The following MARCHF8 variants were observed in gnomAD, a reference collection of about 807,000 sequenced individuals.
MARCHF8 encodes membrane associated ring-CH-type finger 8.
MARCHF8 carries 40 observed loss-of-function variants against 51.6 expected under a neutral mutation model. The ratio of observed to expected loss-of-function variants is 0.77; its 90% confidence interval spans 0.60 to 1.01. The LOEUF is 1.01. Ranked by LOEUF, MARCHF8 falls within the 50% of genes least tolerant of loss-of-function variation. The pLI, the probability that MARCHF8 is intolerant of heterozygous loss-of-function variation, is 0.00. For missense variants in MARCHF8, 685 were observed against 708.6 expected (o/e 0.97, Z 0.38); for synonymous variants, 263 against 280.3 (o/e 0.94, Z 0.62).
chr10:45,526,283 C>A (rs952222590), intron 2 of MARCHF8, among the ~76,000 whole-genome samples: 5 of 152,174 alleles, frequency 3.3e-5, no homozygotes, highest in African/African-American at 1.2e-4. Context: ...AAGCAAGGCA[C>A]GTGCTCAGCC....
intron 1 of MARCHF8, among the ~76,000 whole-genome samples, chr10:45,556,057 TCAC>T (rs1564515152): frequency 6.6e-6 from 1 of 152,156 alleles, no homozygotes; most frequent in African/African-American, 2.4e-5. Context: ...GAATAAGTGG[TCAC>T]TACTGTTTCA....
At chr10:45,480,714 G>C (rs1564475183) in intron 3 of MARCHF8, among the ~76,000 whole-genome samples, 1 of 152,220 alleles carries the variant, frequency 6.6e-6, no homozygotes, top group Non-Finnish European at 1.5e-5. Context: ...CTAGATTTCA[G>C]AGAATGTATA....
intron 3 of MARCHF8, 130 bp from the exon 4 acceptor site, chr10:45,464,457 A>T (rs1842903605): frequency 1.4e-6 from 1 of 728,708 alleles, no homozygotes; most frequent in South Asian, 1.6e-5. Flanking sequence ...AGTAACACAT[A>T]TTAGATCCTT....
At chr10:45,528,263 G>A (rs529490662) in intron 2 of MARCHF8, among the ~76,000 whole-genome samples, 49 of 152,232 alleles carry the variant, frequency 3.2e-4, no homozygotes, top group Non-Finnish European at 1.5e-4. Flanking sequence ...GAGCAGTAAT[G>A]CAATAGAAAG....
At chr10:45,469,529 GTC>G (rs952078254) in intron 3 of MARCHF8, among the ~76,000 whole-genome samples, 13 of 152,104 alleles carry the variant, frequency 8.5e-5, no homozygotes, top group African/African-American at 3.1e-4. Context: ...AGGTAATTTT[GTC>G]TCTCAGATGT....
intron 1 of MARCHF8, among the ~76,000 whole-genome samples, chr10:45,574,634 C>T (rs59620443): frequency 0.06 from 9,169 of 152,186 alleles, 704 homozygotes; most frequent in East Asian, 0.45. Context: ...GCTGGGACCG[C>T]GCCCTGTAGC....
rs1263441816 is a variant in MARCHF8 at position 45,535,197 on chromosome 10, CAA to C, written c.-79+12_-79+13del. The C allele has an allele frequency of 6.6e-6, 1 of 152,220 alleles. No individual in the cohort carries two copies. Among genetic ancestry groups the C allele is most frequent in the Non-Finnish European group, 1.5e-5 (1 of 68,044 alleles). The allele number at this position is 152,220 out of a possible 1,614,324, so 9.4% of individuals were successfully genotyped here. A position where few individuals can be genotyped will look rare whatever the true frequency, so the allele number is the denominator to read the frequency against. The stretch of plus-strand genomic sequence containing the variant: ...TTGTATTCAAGCACGTCACACAAAA[CAA>C]GAGGCACTTACTGCGGAGCTGCCTT... On this transcript the variant is annotated intron_variant, in intron 1 of 7. Transcript: ENST00000453424.
intron 6 of MARCHF8, chr10:45,459,741 C>T: frequency 1.0e-6 from 1 of 985,454 alleles, no homozygotes; most frequent in South Asian, 4.7e-5. Context: ...GACGCTCACT[C>T]TTTGGTCCTT....
At chr10:45,590,915 AAAG>A (rs1300948144) in intron 1 of MARCHF8, among the ~76,000 whole-genome samples, 2 of 152,176 alleles carry the variant, frequency 1.3e-5, no homozygotes, top group East Asian at 1.9e-4. Flanking sequence ...AAGATCCACA[AAAG>A]AAGTGAAAAT....
intron 1 of MARCHF8, among the ~76,000 whole-genome samples, chr10:45,584,126 CATATAT>C (rs55978063): frequency 0.12 from 10,204 of 85,060 alleles, 522 homozygotes; most frequent in Admixed American, 0.18. Flanking sequence ...TATATACAAT[CATATAT>C]ATATATATAT....
At chr10:45,543,058 G>T (rs865795076) in intron 1 of MARCHF8, among the ~76,000 whole-genome samples, 2 of 152,158 alleles carry the variant, frequency 1.3e-5, no homozygotes, top group Non-Finnish European at 2.9e-5. Flanking sequence ...TCTGGCTTCA[G>T]TACAGTAAGG....
At chr10:45,560,853 AAC>A (rs1158108711) in intron 1 of MARCHF8, among the ~76,000 whole-genome samples, 7 of 152,236 alleles carry the variant, frequency 4.6e-5, no homozygotes, top group African/African-American at 1.7e-4. Flanking sequence ...TCTGAAAATA[AAC>A]ACTTTATTCT....
intron 2 of MARCHF8, among the ~76,000 whole-genome samples, chr10:45,498,538 T>C (rs1369781630): frequency 6.6e-6 from 1 of 151,974 alleles, no homozygotes; most frequent in Non-Finnish European, 1.5e-5. Context: ...TGCAGTGGCA[T>C]GATCTCGGCT....
At chr10:45,551,331 G>A (rs1413659342) in intron 1 of MARCHF8, among the ~76,000 whole-genome samples, 1 of 152,142 alleles carries the variant, frequency 6.6e-6, no homozygotes, top group African/African-American at 2.4e-5. Context: ...TTGGGAGTGG[G>A]AAGATACACA....
Position 45,461,242 on chromosome 10 carries a change from G to C in MARCHF8, c.1258C>G (p.Pro420Ala). 6.6e-7 allele frequency: 1 copy of C among 1,526,600 alleles called. No homozygotes were observed. Among genetic ancestry groups the C allele is most frequent in the Admixed American group, 2.1e-5 (1 of 47,084 alleles). The allele number at this position is 1,526,600 out of a possible 1,614,324, so 94.6% of individuals were successfully genotyped here. Residue 420 changes from proline to alanine, a missense_variant, in exon 6 of 8, where the codon CCA (proline) becomes GCA (alanine). By Grantham distance (27) the Pro-to-Ala change is conservative. Transcript: ENST00000453424. ...YEFIMETKLKPLRKWEKLQMT... is the reference protein window; with the variant it reads ...YEFIMETKLKALRKWEKLQMT... Reference sequence around the variant, plus strand: ...TTCCTCCCACGTACTTTTCTCAGTGGCTTCAGCTTGGTCTCCATGATGAAC... The same window carrying C: ...TTCCTCCCACGTACTTTTCTCAGTGCCTTCAGCTTGGTCTCCATGATGAAC...
chr10:45,468,951 C>T (rs1158487580), intron 3 of MARCHF8, among the ~76,000 whole-genome samples: 1 of 152,048 alleles, frequency 6.6e-6, no homozygotes, highest in Non-Finnish European at 1.5e-5. Context: ...TACTTTGTCT[C>T]AGCAATTCTT....
intron 1 of MARCHF8, among the ~76,000 whole-genome samples, chr10:45,585,448 TC>T (rs1301226812): frequency 1.3e-5 from 2 of 152,054 alleles, no homozygotes; most frequent in African/African-American, 4.8e-5. Flanking sequence ...GTCTCAAATC[TC>T]ATACGGAATA....
In MARCHF8 at chr10:45,496,766, T is replaced by C. The variant is rs556657858; in HGVS notation, c.103-7349A>G. ...AATATGAATCTGAAGAAGATTCTGTTAGAAAAATATATATATATATAGTAA... is the reference window on the plus strand; with the variant it reads ...AATATGAATCTGAAGAAGATTCTGTCAGAAAAATATATATATATATAGTAA... On this transcript the variant is annotated intron_variant, in intron 2 of 7. Transcript: ENST00000453424. Among the ~76,000 whole-genome samples, 9 of 151,950 alleles carry C rather than the reference T, an allele frequency of 5.9e-5. No homozygotes were observed. In the South Asian group the frequency reaches 1.7e-3, roughly 28 times the overall value.
intron 3 of MARCHF8, among the ~76,000 whole-genome samples, chr10:45,475,164 T>C (rs1005884002): frequency 5.9e-5 from 9 of 152,164 alleles, no homozygotes; most frequent in Non-Finnish European, 1.3e-4. Context: ...TGCAAACCAT[T>C]TGGCAAAGAC....
Sources: allele counts gnomAD v4.1 joint callset (sites outside exome capture counted in the v4.1 genomes callset), GRCh38; gene constraint gnomAD v4.1.1; transcripts MANE v1.5; gene names NCBI Gene and HGNC (gene_info 2026-07-23, HGNC 2026-07-21).